The following AURKA variants were observed in gnomAD, a reference collection of about 807,000 sequenced individuals.
The protein encoded by AURKA is aurora 2.
Under a neutral mutation model 40.9 loss-of-function variants are expected in AURKA, and 12 were observed. That is an observed-to-expected ratio of 0.29 (90% CI 0.19 to 0.48). AURKA has a LOEUF of 0.48. Ranked by LOEUF, AURKA falls within the 20% of genes least tolerant of loss-of-function variation. The pLI is 0.99. For missense variants in AURKA, 322 were observed against 462.1 expected (o/e 0.70, Z 2.78); for synonymous variants, 170 against 164.3 (o/e 1.03, Z -0.26).
intron 4 of AURKA, 138 bp downstream of exon 4, chr20:56,384,132 G>T: frequency 3.3e-6 from 2 of 611,588 alleles, no homozygotes. Flanking sequence ...TTTTAAGATT[G>T]GAAATCTGGA....
At chr20:56,374,555 C>G (rs906108273) in intron 6 of AURKA, among the ~76,000 whole-genome samples, 1 of 151,808 alleles carries the variant, frequency 6.6e-6, no homozygotes, top group African/African-American at 2.4e-5. Flanking sequence ...CATAGAAGTA[C>G]ATAAGAAATC....
rs527856015 is a variant in AURKA at position 56,388,710 on chromosome 20, G to T, written c.-5-508C>A. ...ACCTGTAATCCCAGCTACTCGGGAG[G>T]CTGAGGCAGGAGAATCACTTAAACC... is the stretch of plus-strand genomic sequence containing the variant. On this transcript the variant is annotated intron_variant, in intron 1 of 8. Coordinates refer to ENST00000395915, the MANE Select transcript of AURKA (RefSeq NM_198437.3). 5.9e-5 allele frequency: 10 copies of T among 170,510 alleles called. No individual in the cohort carries two copies. In the South Asian group the frequency reaches 1.6e-3, roughly 27 times the overall value. The allele number at this position is 170,510 out of a possible 1,614,324, so 10.6% of individuals were successfully genotyped here.
At chr20:56,371,415 C>G (rs970021485) in intron 7 of AURKA, among the ~76,000 whole-genome samples, 19 of 151,180 alleles carry the variant, frequency 1.3e-4, no homozygotes, top group East Asian at 1.9e-4. Context: ...GAGCCAAGAT[C>G]GCACCACTGC....
chr20:56,377,334 A>T (rs1166950134), intron 6 of AURKA, among the ~76,000 whole-genome samples: 1 of 152,182 alleles, frequency 6.6e-6, no homozygotes, highest in African/African-American at 2.4e-5. Context: ...CAAAAATACA[A>T]GGCACGGATT....
rs532239337 is a variant in AURKA, at chr20:56,377,704, T to C, written c.705+3729A>G. Reference sequence around the variant, plus strand: ...CAGGAGTCTGAGGCAGGAGAATCGCTTGAACCCAAGAGGCGGAGGTTGCAG... The same window carrying C: ...CAGGAGTCTGAGGCAGGAGAATCGCCTGAACCCAAGAGGCGGAGGTTGCAG... On this transcript the variant is annotated intron_variant, in intron 6 of 8. Coordinates refer to ENST00000395915, the MANE Select transcript of AURKA (RefSeq NM_198437.3). 5.3e-5 allele frequency among the ~76,000 whole-genome samples: 8 copies of C among 152,160 alleles called. No homozygotes were observed. In the East Asian group the frequency reaches 1.6e-3, roughly 30 times the overall value.
rs201470203 is a variant in AURKA, at chr20:56,370,672, G to A, written c.855-13C>T. On this transcript the variant is annotated splice_polypyrimidine_tract_variant and intron_variant, in intron 7 of 8. Coordinates refer to ENST00000395915, the MANE Select transcript of AURKA (RefSeq NM_198437.3). Reference sequence around the variant, plus strand: ...GAGAGTGGTCCTCCTGAAAACGGAGGGAGGCTCAGGTTGATGTGCTTCTCG... The same window carrying A: ...GAGAGTGGTCCTCCTGAAAACGGAGAGAGGCTCAGGTTGATGTGCTTCTCG... 5.0e-6 allele frequency: 8 copies of A among 1,614,074 alleles called. No individual in the cohort carries two copies. The East Asian group carries it at 1.6e-4, about 31-fold the overall frequency.
At chr20:56,386,946 C>A (rs920888700) in intron 2 of AURKA, among the ~76,000 whole-genome samples, 1 of 151,222 alleles carries the variant, frequency 6.6e-6, no homozygotes, top group East Asian at 2.0e-4. Context: ...AAAAAAAATA[C>A]GTCAAAACGT....
At chr20:56,371,151 T>G (rs1392433091) in intron 7 of AURKA, among the ~76,000 whole-genome samples, 1 of 152,146 alleles carries the variant, frequency 6.6e-6, no homozygotes, top group Non-Finnish European at 1.5e-5. Flanking sequence ...GGGTGGCCTA[T>G]GAAGTACTCT....
chr20:56,370,050 G>T lies in AURKA; in HGVS notation c.*108C>A. ...GAGTAAAACAAATATTTCTTGTGTA[G>T]CGTTCTAGATTGAGGGCAGCAGTCA... On this transcript the variant is annotated 3_prime_UTR_variant, in exon 9 of 9. Transcript: ENST00000395915. 7.4e-7 allele frequency: 1 copy of T among 1,355,068 alleles called. No homozygotes were observed. The highest frequency in any genetic ancestry group is 1.1e-6 in the Non-Finnish European group (1 of 949,738). 83.9% of individuals were successfully genotyped at this position (1,355,068 alleles called of 1,614,324 possible).
At chr20:56,381,626 G>A (rs2146183767) in intron 5 of AURKA, 55 bp from the exon 6 acceptor site, 1 of 1,602,722 alleles carries the variant, frequency 6.2e-7, no homozygotes, top group Non-Finnish European at 8.5e-7. Flanking sequence ...AGAAGACTAT[G>A]TACAAAATGT....
At chr20:56,380,618 A>C (rs1985593523) in intron 6 of AURKA, among the ~76,000 whole-genome samples, 1 of 152,162 alleles carries the variant, frequency 6.6e-6, no homozygotes, top group Non-Finnish European at 1.5e-5. Context: ...TCCTTTGAAG[A>C]AATACAGCAC....
intron 5 of AURKA, among the ~76,000 whole-genome samples, chr20:56,382,389 C>A (rs1985831752): frequency 6.6e-6 from 1 of 152,156 alleles, no homozygotes; most frequent in South Asian, 2.1e-4. Flanking sequence ...AGAGACACAC[C>A]AGGCCTGATG....
chr20:56,385,743 G>A (rs777503850), intron 3 of AURKA, among the ~76,000 whole-genome samples: 8 of 152,162 alleles, frequency 5.3e-5, no homozygotes, highest in Non-Finnish European at 1.2e-4. Flanking sequence ...TTACAGGCGT[G>A]AGCCACTGCG....
chr20:56,378,356 C>T (rs973973399), intron 6 of AURKA, among the ~76,000 whole-genome samples: 2 of 152,130 alleles, frequency 1.3e-5, no homozygotes, highest in African/African-American at 2.4e-5. Context: ...CTTATAGACT[C>T]CACTCATCTC....
intron 6 of AURKA, among the ~76,000 whole-genome samples, chr20:56,381,002 G>T (rs1318073804): frequency 5.3e-5 from 8 of 152,132 alleles, no homozygotes; most frequent in African/African-American, 1.9e-4. Context: ...AACTATCCTA[G>T]CCAGGTACAA....
intron 6 of AURKA, among the ~76,000 whole-genome samples, chr20:56,374,327 C>G (rs2146145445): frequency 6.6e-6 from 1 of 152,080 alleles, no homozygotes; most frequent in East Asian, 1.9e-4. Flanking sequence ...TAAATACTGC[C>G]TTTTTCTTTT....
chr20:56,391,608 C>T (rs1249909625), intron 1 of AURKA, among the ~76,000 whole-genome samples: 2 of 152,124 alleles, frequency 1.3e-5, no homozygotes, highest in Non-Finnish European at 2.9e-5. Flanking sequence ...CCAAGGTCTA[C>T]GGTCTGAGAA....
intron 3 of AURKA, 85 bp from the exon 4 acceptor site, chr20:56,384,409 G>T: frequency 2.0e-6 from 2 of 1,003,472 alleles, no homozygotes; most frequent in Non-Finnish European, 1.5e-6. Flanking sequence ...CAAAGAATTG[G>T]TCACCAAAAT....
chr20:56,384,620 AAAG>A (rs1472298764), intron 3 of AURKA, among the ~76,000 whole-genome samples: 1 of 152,200 alleles, frequency 6.6e-6, no homozygotes, highest in Admixed American at 6.5e-5. Flanking sequence ...CTCAGTTTCC[AAAG>A]AAGAGCTTTT....
Sources: allele counts gnomAD v4.1 joint callset (sites outside exome capture counted in the v4.1 genomes callset), GRCh38; gene constraint gnomAD v4.1.1; transcripts MANE v1.5; gene names NCBI Gene and HGNC (gene_info 2026-07-23, HGNC 2026-07-21).